The following MME variants were observed in gnomAD, a reference collection of about 807,000 sequenced individuals.
MME encodes membrane metalloendopeptidase.
In MME, 98 loss-of-function variants were observed where a neutral mutation model predicts 113.2. The observed-to-expected ratio is 0.87, with a 90% CI of 0.74 to 1.02. The LOEUF is 1.02. Ranked by LOEUF, MME falls within the 50% of genes least tolerant of loss-of-function variation. The probability of loss-of-function intolerance (pLI) is 0.00; values close to 1 mark genes in which losing one functional copy is unlikely to be tolerated. For synonymous variants in MME, 292 were observed against 300.6 expected (o/e 0.97, Z 0.30); for missense variants, 836 against 896.0 (o/e 0.93, Z 0.86).
intron 8 of MME, among the ~76,000 whole-genome samples, chr3:155,128,599 C>A (rs3773890): frequency 1.3e-5 from 2 of 151,126 alleles, no homozygotes; most frequent in African/African-American, 2.4e-5. Flanking sequence ...ACTTGCCCCC[C>A]ACACACACCA....
At position 155,160,598 on chromosome 3, in the gene MME, CG is replaced by C. The variant is rs1001825843; in HGVS notation, c.1660+151del. 7 of 595,510 alleles carry C rather than the reference CG, an allele frequency of 1.2e-5. No individual in the cohort carries two copies. In the African/African-American group the frequency reaches 1.3e-4, roughly 11 times the overall value. 36.9% of individuals were successfully genotyped at this position (595,510 alleles called of 1,614,324 possible). A position where few individuals can be genotyped will look rare whatever the true frequency, so the allele number is the denominator to read the frequency against. On this transcript the variant is annotated intron_variant, in intron 17 of 22. Coordinates refer to ENST00000360490, the MANE Select transcript of MME (RefSeq NM_007289.4). Reference sequence around the variant, plus strand: ...TGCATTTCTTGAAAGTAAATGCATCCGTGTACCTTCTTTCACTATAGTGGGA... The same window carrying C: ...TGCATTTCTTGAAAGTAAATGCATCCTGTACCTTCTTTCACTATAGTGGGA...
intron 3 of MME, among the ~76,000 whole-genome samples, chr3:155,097,898 T>A (rs1479886101): frequency 6.6e-6 from 1 of 152,096 alleles, no homozygotes; most frequent in Non-Finnish European, 1.5e-5. Flanking sequence ...TAACTTGAAA[T>A]GGCATTAAAC....
chr3:155,065,557 C>G (rs1027652053), intron 1 of MME, among the ~76,000 whole-genome samples: 1 of 152,148 alleles, frequency 6.6e-6, no homozygotes, highest in African/African-American at 2.4e-5. Flanking sequence ...TTATCTTTAA[C>G]TTTTCTTGAA....
intron 1 of MME, among the ~76,000 whole-genome samples, chr3:155,029,005 G>T (rs964226560): frequency 1.1e-4 from 17 of 152,188 alleles, no homozygotes; most frequent in Admixed American, 3.3e-4. Context: ...TCATGTAAAG[G>T]TTTCACAAAA....
At chr3:155,165,635 T>G (rs1723037864) in intron 17 of MME, among the ~76,000 whole-genome samples, 1 of 152,120 alleles carries the variant, frequency 6.6e-6, no homozygotes, top group Non-Finnish European at 1.5e-5. Flanking sequence ...GAATAGATTG[T>G]AGTTGTGTGA....
intron 14 of MME, among the ~76,000 whole-genome samples, chr3:155,144,885 TTTATAA>T (rs1721388232): frequency 6.6e-6 from 1 of 152,188 alleles, no homozygotes; most frequent in Middle Eastern, 3.2e-3. Context: ...ATCATTTGTC[TTTATAA>T]TTATATAATA....
At chr3:155,040,825 G>A (rs1429696403) in intron 1 of MME, among the ~76,000 whole-genome samples, 1 of 151,986 alleles carries the variant, frequency 6.6e-6, no homozygotes, top group East Asian at 1.9e-4. Flanking sequence ...ACCTTATAAT[G>A]TCATGATTCA....
At chr3:155,081,581 C>G (rs1019479820) in intron 1 of MME, 1 of 151,284 alleles carries the variant, frequency 6.6e-6, no homozygotes, top group African/African-American at 2.4e-5. Flanking sequence ...TTTTGCGTAC[C>G]CTGCTTTATA....
At chr3:155,091,933 A>G (rs1716333261) in intron 3 of MME, among the ~76,000 whole-genome samples, 1 of 152,162 alleles carries the variant, frequency 6.6e-6, no homozygotes, top group Non-Finnish European at 1.5e-5. Context: ...TGGGCCACAT[A>G]TTAGTCAGGC....
At chr3:155,143,599 A>T in intron 13 of MME, 28 bp downstream of exon 13, 1 of 1,607,578 alleles carries the variant, frequency 6.2e-7, no homozygotes. Context: ...ATACACTGTC[A>T]GTTATACAGG....
intron 1 of MME, among the ~76,000 whole-genome samples, chr3:155,042,897 G>GTT (rs1397731943): frequency 2.3e-4 from 15 of 65,116 alleles, no homozygotes; most frequent in Non-Finnish European, 4.7e-4. Context: ...CCAATAGTAG[G>GTT]TTTTATATAT....
intron 3 of MME, among the ~76,000 whole-genome samples, chr3:155,099,281 T>G (rs1436892074): frequency 6.6e-6 from 1 of 152,196 alleles, no homozygotes; most frequent in East Asian, 1.9e-4. Flanking sequence ...TGAATTCATT[T>G]TTACTCATTT....
chr3:155,140,355 C>A, intron 10 of MME, 63 bp downstream of exon 10: 4 of 927,084 alleles, frequency 4.3e-6, no homozygotes, highest in Non-Finnish European at 6.7e-6. Flanking sequence ...CATTGAAATA[C>A]TCTTTCTAAA....
intron 16 of MME, among the ~76,000 whole-genome samples, chr3:155,152,649 T>C (rs1722016867): frequency 1.3e-5 from 2 of 152,100 alleles, no homozygotes; most frequent in Non-Finnish European, 1.5e-5. Context: ...GAGACCAGCC[T>C]GGGCAACATG....
intron 16 of MME, among the ~76,000 whole-genome samples, chr3:155,159,745 G>T (rs773743923): frequency 1.3e-5 from 2 of 151,954 alleles, no homozygotes; most frequent in Non-Finnish European, 2.9e-5. Flanking sequence ...CAGAGCCTTA[G>T]ACATGGTATA....
upstream of MME, among the ~76,000 whole-genome samples, chr3:155,078,339 A>C (rs1490706453): frequency 6.6e-6 from 1 of 152,212 alleles, no homozygotes; most frequent in African/African-American, 2.4e-5. Context: ...TAGTGTCTGT[A>C]AGATGCACAG....
At chr3:155,026,666 C>T (rs1253142631) in intron 1 of MME, among the ~76,000 whole-genome samples, 1 of 152,106 alleles carries the variant, frequency 6.6e-6, no homozygotes, top group Non-Finnish European at 1.5e-5. Context: ...AGAGGTTGTA[C>T]TGAGCCGAGA....
chr3:155,088,953 A>T (rs973494684), intron 3 of MME, among the ~76,000 whole-genome samples: 1 of 152,202 alleles, frequency 6.6e-6, no homozygotes, highest in African/African-American at 2.4e-5. Flanking sequence ...CAAGGAATAC[A>T]GAAGTCAAGC....
At chr3:155,056,264 G>T (rs1404493807) in intron 1 of MME, among the ~76,000 whole-genome samples, 2 of 151,134 alleles carry the variant, frequency 1.3e-5, no homozygotes, top group African/African-American at 4.9e-5. Flanking sequence ...TGCCATGCTG[G>T]TGTGCTGCAC....
Sources: allele counts gnomAD v4.1 joint callset (sites outside exome capture counted in the v4.1 genomes callset), GRCh38; gene constraint gnomAD v4.1.1; transcripts MANE v1.5; gene names NCBI Gene and HGNC (gene_info 2026-07-23, HGNC 2026-07-21).